The following HOPX variants were observed in gnomAD, a reference collection of about 807,000 sequenced individuals.
The protein encoded by HOPX is homeodomain-only protein.
HOPX carries 5 observed loss-of-function variants against 11.8 expected under a neutral mutation model. The ratio of observed to expected loss-of-function variants is 0.43; its 90% CI spans 0.22 to 0.89. The LOEUF (loss-of-function observed/expected upper bound fraction) is 0.89. Ranked by LOEUF, HOPX falls within the 40% of genes least tolerant of loss-of-function variation. The probability of loss-of-function intolerance (pLI) is 0.28; values close to 1 mark genes in which losing one functional copy is unlikely to be tolerated. For synonymous variants in HOPX, 49 were observed against 49.7 expected (o/e 0.99, Z 0.06); for missense variants, 119 against 120.0 (o/e 0.99, Z 0.04).
intron 1 of HOPX, among the ~76,000 whole-genome samples, chr4:56,674,530 AC>A (rs1174700554): frequency 6.6e-6 from 1 of 151,628 alleles, no homozygotes; most frequent in Non-Finnish European, 1.5e-5. Context: ...AATGACTGCC[AC>A]TGGTTTCCTG....
intron 1 of HOPX, among the ~76,000 whole-genome samples, chr4:56,660,106 C>T (rs1251490634): frequency 6.6e-6 from 1 of 152,152 alleles, no homozygotes; most frequent in Admixed American, 6.5e-5. Flanking sequence ...AAGGAAAACT[C>T]CTTCCAGTTC....
chr4:56,652,973 G>A (rs983769484), intron 3 of HOPX, among the ~76,000 whole-genome samples: 1 of 152,100 alleles, frequency 6.6e-6, no homozygotes, highest in African/African-American at 2.4e-5. Flanking sequence ...TTTTAATGAC[G>A]GAAAGTTCAT....
chr4:56,664,314 T>G (rs1373029659), intron 1 of HOPX: 1 of 151,622 alleles, frequency 6.6e-6, no homozygotes, highest in Non-Finnish European at 1.5e-5. Context: ...TTTTTTTTTT[T>G]TAGTAGAGAC....
At position 56,648,731 on chromosome 4, in the gene HOPX, C is replaced by T. The variant is rs774871546; in HGVS notation, c.265G>A (p.Val89Ile). ...SEGLPSECRS[V>I]TD ...TGCCTGCCATCTCCTTAGTCTGTGA[C>T]GGATCTGCACTCTGAGGGCAGGCCT... Residue 89 changes from valine to isoleucine, a missense_variant, in exon 4 of 4, where the codon GTC (valine) becomes ATC (isoleucine). Coordinates refer to ENST00000420433, the MANE Select transcript of HOPX (RefSeq NM_032495.6). The T allele has an allele frequency of 4.8e-5, 77 of 1,607,082 alleles. No individual in the cohort carries two copies. Among genetic ancestry groups the T allele is most frequent in the African/African-American group, 9.3e-5 (7 of 74,872 alleles).
rs483353075 is a variant in HOPX, at chr4:56,655,931, C to T, written c.124G>A (p.Val42Ile). 5.0e-5 allele frequency: 80 copies of T among 1,611,844 alleles called. No homozygotes were observed. Among genetic ancestry groups the T allele is most frequent in the Non-Finnish European group, 2.9e-5 (34 of 1,179,132 alleles). Residue 42 changes from valine (V) to isoleucine (I), a missense_variant, in exon 3 of 4, where the codon GTC becomes ATC. Coordinates refer to ENST00000420433, the MANE Select transcript of HOPX (RefSeq NM_032495.6). ...GTGGTGGAATCCGGGTGCTTGTCGA[C>T]CTTGTTGAAGTTGTACTCCAGGATT... is the stretch of plus-strand genomic sequence containing the variant. ...VEILEYNFNK[V>I]DKHPDSTTLC... is the part of the protein sequence containing the mutation.
chr4:56,654,685 C>T lies in HOPX; in HGVS notation c.198+1172G>A, dbSNP rs1009174536. On this transcript the variant is annotated intron_variant, in intron 3 of 3. Transcript: ENST00000420433. ...TGGACAAGCTCTCCAAAGAGTGCCT[C>T]TGGCTTAATTAGTAAAAATAATTTT... is the stretch of plus-strand genomic sequence containing the variant. Among the ~76,000 whole-genome samples, 10 of 152,310 alleles carry T rather than the reference C, an allele frequency of 6.6e-5. 1 individual carries two copies. Among genetic ancestry groups the T allele is most frequent in the Admixed American group, 1.3e-4 (2 of 15,296 alleles).
chr4:56,677,529 T>C (rs1648841960), intron 1 of HOPX, among the ~76,000 whole-genome samples: 1 of 151,710 alleles, frequency 6.6e-6, no homozygotes, highest in Non-Finnish European at 1.5e-5. Flanking sequence ...TCTATTAACA[T>C]CCTAATTTTA....
chr4:56,664,297 ATT>A (rs35695887), intron 1 of HOPX: 125 of 137,938 alleles, frequency 9.1e-4, no homozygotes, highest in Admixed American at 1.2e-3. Flanking sequence ...TGCCTGGCTA[ATT>A]TTTTTTTTTT....
intron 1 of HOPX, among the ~76,000 whole-genome samples, chr4:56,674,042 C>G (rs1290269146): frequency 1.3e-5 from 2 of 151,492 alleles, no homozygotes; most frequent in Non-Finnish European, 2.9e-5. Context: ...TTGTTTAACT[C>G]TTGAGTTAGT....
chr4:56,681,111 G>T lies in HOPX; in HGVS notation c.-84+144C>A, dbSNP rs973677826. The T allele has an allele frequency of 3.1e-6, 3 of 980,192 alleles. No individual in the cohort carries two copies. In the Admixed American group the frequency reaches 1.9e-4, roughly 61 times the overall value. 60.7% of individuals were successfully genotyped at this position (980,192 alleles called of 1,614,324 possible). A position where few individuals can be genotyped will look rare whatever the true frequency, so the allele number is the denominator to read the frequency against. On this transcript the variant is annotated intron_variant, in intron 1 of 3. Coordinates refer to ENST00000420433, the MANE Select transcript of HOPX (RefSeq NM_032495.6). ...AGCAGCATTTCCTAGCTTCTGCTTG[G>T]GGGTAAGCTTGTCATTCCTATTCTC...
intron 1 of HOPX, among the ~76,000 whole-genome samples, chr4:56,677,157 T>A (rs1199375712): frequency 6.6e-6 from 1 of 151,820 alleles, no homozygotes; most frequent in East Asian, 1.9e-4. Context: ...CTCTCCATTT[T>A]TCAGAAAGAC....
chr4:56,660,152 A>G (rs1194492867), intron 1 of HOPX, among the ~76,000 whole-genome samples: 2 of 152,242 alleles, frequency 1.3e-5, no homozygotes, highest in South Asian at 2.1e-4. Context: ...TTGGATGCCA[A>G]AAGTCACAAT....
intron 1 of HOPX, among the ~76,000 whole-genome samples, chr4:56,676,792 G>A (rs1369860816): frequency 6.6e-6 from 1 of 151,668 alleles, no homozygotes. Flanking sequence ...CCGACTGCCT[G>A]CAGACTGCCT....
intron 1 of HOPX, among the ~76,000 whole-genome samples, chr4:56,670,889 C>T (rs139904083): frequency 7.8e-4 from 118 of 151,410 alleles, no homozygotes; most frequent in African/African-American, 2.2e-3. Context: ...CTCAGCTACT[C>T]GGGAGGCTGA....
At chr4:56,655,821 G>T in intron 3 of HOPX, 36 bp downstream of exon 3, 1 of 1,600,584 alleles carries the variant, frequency 6.2e-7, no homozygotes. Flanking sequence ...AGCCCAGGCA[G>T]GGGTCGGGGC....
chr4:56,660,882 T>A (rs1399208414), intron 1 of HOPX, among the ~76,000 whole-genome samples: 1 of 152,154 alleles, frequency 6.6e-6, no homozygotes, highest in African/African-American at 2.4e-5. Flanking sequence ...CGGAGTCCCA[T>A]CCCCTTGCTG....
rs149195333 is a variant in HOPX, at chr4:56,656,265, C to T, written c.43-253G>A. The T allele has an allele frequency of 9.3e-3, 10,713 of 1,155,334 alleles. 67 individuals are homozygous for T. Among genetic ancestry groups the T allele is most frequent in the Non-Finnish European group, 0.011 (10,079 of 935,782 alleles). 71.6% of individuals were successfully genotyped at this position (1,155,334 alleles called of 1,614,324 possible). A position where few individuals can be genotyped will look rare whatever the true frequency, so the allele number is the denominator to read the frequency against. ...AGCCTAGCGTCCTGCGCCTCCCGCGCCCCCCGGGACCCCTTGCAGGAACTG... is the reference window on the plus strand; with the variant it reads ...AGCCTAGCGTCCTGCGCCTCCCGCGTCCCCCGGGACCCCTTGCAGGAACTG... On this transcript the variant is annotated intron_variant, in intron 2 of 3. Coordinates refer to ENST00000420433, the MANE Select transcript of HOPX (RefSeq NM_032495.6).
chr4:56,675,835 T>C (rs1485449797), intron 1 of HOPX, among the ~76,000 whole-genome samples: 1 of 151,570 alleles, frequency 6.6e-6, no homozygotes, highest in Non-Finnish European at 1.5e-5. Flanking sequence ...GCAGGATGGG[T>C]ATGGTCCAGA....
At chr4:56,676,522 T>C (rs1719024761) in intron 1 of HOPX, 1 of 151,604 alleles carries the variant, frequency 6.6e-6, no homozygotes, top group Non-Finnish European at 1.5e-5. Flanking sequence ...CTTGCAAACT[T>C]GTCATTTGTT....
Sources: allele counts gnomAD v4.1 joint callset (sites outside exome capture counted in the v4.1 genomes callset), GRCh38; gene constraint gnomAD v4.1.1; transcripts MANE v1.5; gene names NCBI Gene and HGNC (gene_info 2026-07-23, HGNC 2026-07-21).